ARHGAP24: variants seen among roughly 807,000 people sequenced by gnomAD.
ARHGAP24 encodes the protein rho GTPase-activating protein 24.
Under a neutral mutation model 76.4 loss-of-function variants are expected in ARHGAP24, and 50 were observed. The observed-to-expected ratio is 0.65, with a 90% CI of 0.52 to 0.83. The LOEUF is 0.83. Among genes scored for constraint, ARHGAP24 ranks in the 40% least tolerant of loss-of-function variants. The pLI is 0.00. For missense variants in ARHGAP24, 930 were observed against 914.2 expected (o/e 1.02, Z -0.22); for synonymous variants, 345 against 323.3 (o/e 1.07, Z -0.72).
chr4:85,922,773 T>C (rs1405585580), intron 3 of ARHGAP24, among the ~76,000 whole-genome samples: 2 of 152,224 alleles, frequency 1.3e-5, no homozygotes, highest in Non-Finnish European at 2.9e-5. Flanking sequence ...ATCCCTGTTT[T>C]GTAAGTGGGA....
intron 3 of ARHGAP24, among the ~76,000 whole-genome samples, chr4:85,761,116 CA>C (rs1172152360): frequency 5.9e-5 from 9 of 152,252 alleles, no homozygotes; most frequent in Admixed American, 3.3e-4. Flanking sequence ...GAGACGTTCT[CA>C]ATCTTTTGTG....
At chr4:85,532,281 G>C (rs1725288976) in intron 1 of ARHGAP24, among the ~76,000 whole-genome samples, 1 of 152,038 alleles carries the variant, frequency 6.6e-6, no homozygotes, top group Admixed American at 6.6e-5. Context: ...ACTCTAGATG[G>C]CTTAAATGTA....
intron 2 of ARHGAP24, among the ~76,000 whole-genome samples, chr4:85,686,220 A>G (rs1723418088): frequency 6.6e-6 from 1 of 152,204 alleles, no homozygotes; most frequent in Non-Finnish European, 1.5e-5. Flanking sequence ...CTCTTAATGG[A>G]AAGAGTGTCA....
chr4:85,672,236 G>A (rs1722837870), intron 2 of ARHGAP24, among the ~76,000 whole-genome samples: 1 of 152,138 alleles, frequency 6.6e-6, no homozygotes, highest in African/African-American at 2.4e-5. Context: ...CTAGGGAGAG[G>A]CAATGTTTAA....
At position 85,770,571 on chromosome 4, in the gene ARHGAP24, G is replaced by A. The variant is rs1727095233; in HGVS notation, c.268+48599G>A. On this transcript the variant is annotated intron_variant, in intron 3 of 9. Transcript: ENST00000395184. ...ATCCTCAAAGATGGATAAACCTTCAGCAAATTTAAAACATACGGGAGATAA... is the reference window on the plus strand; with the variant it reads ...ATCCTCAAAGATGGATAAACCTTCAACAAATTTAAAACATACGGGAGATAA... 2.0e-5 allele frequency among the ~76,000 whole-genome samples: 3 copies of A among 152,118 alleles called. No individual in the cohort carries two copies. In the South Asian group the frequency reaches 6.2e-4, roughly 32 times the overall value.
intron 2 of ARHGAP24, among the ~76,000 whole-genome samples, chr4:85,653,821 T>C (rs1421448644): frequency 6.6e-6 from 1 of 152,152 alleles, no homozygotes; most frequent in Non-Finnish European, 1.5e-5. Flanking sequence ...ACATTTCAGA[T>C]GCTCAATATG....
At chr4:85,656,579 T>C (rs1444294092) in intron 2 of ARHGAP24, among the ~76,000 whole-genome samples, 1 of 152,110 alleles carries the variant, frequency 6.6e-6, no homozygotes, top group East Asian at 1.9e-4. Flanking sequence ...GCGATTCTCC[T>C]GCCTCAGTCT....
intron 3 of ARHGAP24, among the ~76,000 whole-genome samples, chr4:85,909,332 T>C (rs1422714928): frequency 2.0e-5 from 3 of 152,138 alleles, no homozygotes; most frequent in African/African-American, 7.2e-5. Flanking sequence ...TGTGTATGTA[T>C]GTGTGTAAAC....
chr4:85,951,344 A>G (rs752198594), intron 5 of ARHGAP24, among the ~76,000 whole-genome samples: 2 of 151,442 alleles, frequency 1.3e-5, no homozygotes, highest in Non-Finnish European at 3.0e-5. Flanking sequence ...TTCTGCCCCT[A>G]TGTGTTTTTT....
chr4:85,726,177 T>C (rs1448538996), intron 3 of ARHGAP24, among the ~76,000 whole-genome samples: 1 of 151,978 alleles, frequency 6.6e-6, no homozygotes, highest in East Asian at 1.9e-4. Flanking sequence ...GAGAAGTGGC[T>C]AGGTGCAATT....
intron 3 of ARHGAP24, among the ~76,000 whole-genome samples, chr4:85,895,554 A>G (rs1734129797): frequency 6.6e-6 from 1 of 152,136 alleles, no homozygotes; most frequent in Non-Finnish European, 1.5e-5. Flanking sequence ...TTTGGGGGGA[A>G]AATTTCTATT....
intron 5 of ARHGAP24, among the ~76,000 whole-genome samples, chr4:85,954,925 A>T (rs780476585): frequency 7.9e-5 from 12 of 152,280 alleles, no homozygotes; most frequent in Admixed American, 2.0e-4. Context: ...CAGGAGAATC[A>T]CTTGAACCCA....
At chr4:85,526,742 A>G (rs985813218) in intron 1 of ARHGAP24, among the ~76,000 whole-genome samples, 16 of 152,178 alleles carry the variant, frequency 1.1e-4, no homozygotes, top group Non-Finnish European at 2.9e-5. Context: ...TACAACTTCA[A>G]TTATTGAATA....
Position 85,835,255 on chromosome 4 carries a change from A to T in ARHGAP24, c.269-88393A>T, listed in dbSNP as rs560373218. ...CCTAGTAACTCGCACAATGTAATTT[A>T]AAAAAAAAAAAGCAAACTTTGGGCC... On this transcript the variant is annotated intron_variant, in intron 3 of 9. Transcript: ENST00000395184. Among the ~76,000 whole-genome samples, 44 of 141,262 alleles carry T rather than the reference A, an allele frequency of 3.1e-4. No homozygotes were observed. In the East Asian group the frequency reaches 3.5e-3, roughly 11 times the overall value. 92.7% of individuals were successfully genotyped at this position (141,262 alleles called of 152,430 possible).
intron 1 of ARHGAP24, among the ~76,000 whole-genome samples, chr4:85,493,065 G>A (rs1425522449): frequency 6.6e-6 from 1 of 152,182 alleles, no homozygotes; most frequent in African/African-American, 2.4e-5. Context: ...AAGTCAGGTT[G>A]TACATTTTTG....
chr4:85,797,044 A>G (rs931239986), intron 3 of ARHGAP24, among the ~76,000 whole-genome samples: 7 of 152,234 alleles, frequency 4.6e-5, no homozygotes, highest in African/African-American at 1.7e-4. Flanking sequence ...CTGCGGAGCC[A>G]GCATACAGGC....
chr4:85,548,381 T>C (rs538995509), intron 1 of ARHGAP24, among the ~76,000 whole-genome samples: 70 of 152,318 alleles, frequency 4.6e-4, no homozygotes, highest in African/African-American at 1.6e-3. Context: ...AGTGAATATA[T>C]GTTGATTTTT....
chr4:85,828,065 A>C, intron 3 of ARHGAP24: 1 of 1,002,338 alleles, frequency 1.0e-6, no homozygotes, highest in Non-Finnish European at 1.4e-6. Flanking sequence ...TATTTATATC[A>C]CCACAAATTC....
chr4:85,735,135 G>T (rs1417094913), intron 3 of ARHGAP24, among the ~76,000 whole-genome samples: 1 of 152,020 alleles, frequency 6.6e-6, no homozygotes, highest in Non-Finnish European at 1.5e-5. Flanking sequence ...TTTGGCTCCT[G>T]TGTGTATTCT....
Sources: gnomAD v4.1 joint callset for allele counts (sites outside exome capture counted in the v4.1 genomes callset) on GRCh38, gnomAD v4.1.1 for gene constraint, MANE v1.5 for transcripts, NCBI Gene and HGNC (gene_info 2026-07-23, HGNC 2026-07-21) for gene names.